DNAH14: variants seen among roughly 807,000 people sequenced by gnomAD.
The protein encoded by DNAH14 is dynein axonemal heavy chain 14.
Under a neutral mutation model 520.9 loss-of-function variants are expected in DNAH14, and 478 were observed. That is an observed-to-expected ratio of 0.92 (90% confidence interval 0.85 to 0.99). The LOEUF is 0.99. Ranked by LOEUF, DNAH14 falls within the 50% of genes least tolerant of loss-of-function variation. The pLI, the probability that DNAH14 is intolerant of heterozygous loss-of-function variation, is 0.00. For missense variants in DNAH14, 4,831 were observed against 5,234.5 expected (o/e 0.92, Z 2.38); for synonymous variants, 1,581 against 1,757.2 (o/e 0.90, Z 2.51).
chr1:225,330,585 T>C (rs973336483), intron 64 of DNAH14, among the ~76,000 whole-genome samples: 1 of 152,138 alleles, frequency 6.6e-6, no homozygotes, highest in Non-Finnish European at 1.5e-5. Context: ...TTCTCACTTA[T>C]TTGTGGGATC....
chr1:225,367,721 C>A, intron 76 of DNAH14, 84 bp from the exon 77 acceptor site: 1 of 886,436 alleles, frequency 1.1e-6, no homozygotes, highest in South Asian at 1.7e-5. Context: ...AGTTCTTTTA[C>A]CAGTGTTGTA....
chr1:225,331,438 T>G lies in DNAH14; in HGVS notation c.9725T>G (p.Val3242Gly). ...AATAATGAATTAATTATCTTTCAGGTTGAAGAACATTTGCTGTTTTTACAG... is the reference window on the plus strand; with the variant it reads ...AATAATGAATTAATTATCTTTCAGGGTGAAGAACATTTGCTGTTTTTACAG... ...LAEKQRGLQL[V>G]EEHLLFLQAA... The change falls in exon 65 of 86, where the codon GTT becomes GGT. Residue 3242 changes from valine to glycine, a missense_variant and splice_region_variant. Physicochemically the swap from Val to Gly is moderately radical, Grantham distance 109. Transcript: ENST00000682510. 6.5e-7 allele frequency: 1 copy of G among 1,550,056 alleles called. No homozygotes were observed. The highest frequency in any genetic ancestry group is 1.7e-4 in the Middle Eastern group (1 of 5,984).
intron 8 of DNAH14, among the ~76,000 whole-genome samples, chr1:224,990,946 G>T (rs2062988524): frequency 6.6e-6 from 1 of 151,638 alleles, no homozygotes; most frequent in Non-Finnish European, 1.5e-5. Flanking sequence ...CCACATCCTT[G>T]CCAACACTCA....
chr1:225,305,828 T>G (rs2094229368), intron 58 of DNAH14, among the ~76,000 whole-genome samples: 1 of 152,226 alleles, frequency 6.6e-6, no homozygotes, highest in South Asian at 2.1e-4. Context: ...TTTTTAAAAA[T>G]AGCCCACTCC....
chr1:225,155,139 AAAC>A (rs2080900928), intron 34 of DNAH14, among the ~76,000 whole-genome samples: 1 of 152,204 alleles, frequency 6.6e-6, no homozygotes, highest in Non-Finnish European at 1.5e-5. Flanking sequence ...AACCTTGGTG[AAAC>A]TATAGGGAAG....
intron 77 of DNAH14, among the ~76,000 whole-genome samples, chr1:225,368,492 G>T (rs2095579940): frequency 6.6e-6 from 1 of 152,118 alleles, no homozygotes; most frequent in South Asian, 2.1e-4. Flanking sequence ...CATTGTGTGG[G>T]GAAAAGTTTA....
At chr1:225,172,956 A>G (rs765832268) in intron 36 of DNAH14, among the ~76,000 whole-genome samples, 4 of 152,356 alleles carry the variant, frequency 2.6e-5, no homozygotes, top group African/African-American at 9.6e-5. Flanking sequence ...ATGATGCCAC[A>G]TATGTCCAAC....
chr1:225,007,820 A>C (rs552765586), intron 10 of DNAH14, among the ~76,000 whole-genome samples: 6 of 152,028 alleles, frequency 3.9e-5, no homozygotes. Flanking sequence ...AATGCTAAGG[A>C]TGATGATTCT....
intron 8 of DNAH14, among the ~76,000 whole-genome samples, chr1:224,975,133 T>C (rs1209160640): frequency 6.6e-6 from 1 of 151,626 alleles, no homozygotes; most frequent in Non-Finnish European, 1.5e-5. Flanking sequence ...TTTGCCAGTA[T>C]TTTATTGAGG....
rs1457395322 is a variant in DNAH14 at position 225,240,629 on chromosome 1, T to C, written c.6555T>C (p.Asp2185=). 1 of 1,550,470 alleles carries C rather than the reference T, an allele frequency of 6.4e-7. No homozygotes were observed. The highest frequency in any genetic ancestry group is 8.7e-7 in the Non-Finnish European group (1 of 1,146,342). ...CATGGTATCCAGAGAAAAATCCTGATAAATTAACAAAAATTATTCAAAAGC... is the reference window on the plus strand; with the variant it reads ...CATGGTATCCAGAGAAAAATCCTGACAAATTAACAAAAATTATTCAAAAGC... ...ENTWYPEKNP[D]KLTKIIQKLF... Residue 2185 remains aspartate, a synonymous_variant, in exon 43 of 86, where the codon GAT becomes GAC. Coordinates refer to ENST00000682510, the MANE Select transcript of DNAH14 (RefSeq NM_001367479.1).
intron 8 of DNAH14, among the ~76,000 whole-genome samples, chr1:224,985,748 A>G (rs909451428): frequency 6.6e-6 from 1 of 152,138 alleles, no homozygotes; most frequent in Non-Finnish European, 1.5e-5. Context: ...TCTGGAGATG[A>G]AAAATGCAGT....
chr1:225,222,839 C>T (rs1459043025), intron 41 of DNAH14, among the ~76,000 whole-genome samples: 3 of 152,088 alleles, frequency 2.0e-5, no homozygotes, highest in African/African-American at 7.2e-5. Context: ...ACCCATGGTT[C>T]CCAGAAGAGG....
At chr1:225,365,993 A>G (rs1009831784) in intron 76 of DNAH14, among the ~76,000 whole-genome samples, 4 of 152,166 alleles carry the variant, frequency 2.6e-5, no homozygotes, top group African/African-American at 9.7e-5. Flanking sequence ...AATTTTCTTG[A>G]TATATTAAAA....
chr1:225,304,256 A>C (rs537366858), intron 57 of DNAH14, among the ~76,000 whole-genome samples: 1 of 152,248 alleles, frequency 6.6e-6, no homozygotes, highest in East Asian at 1.9e-4. Flanking sequence ...CTTTAAGAAA[A>C]AAATATAAAA....
At chr1:225,277,092 G>T (rs1574470036) in intron 53 of DNAH14, among the ~76,000 whole-genome samples, 1 of 101,476 alleles carries the variant, frequency 9.9e-6, no homozygotes, top group African/African-American at 3.8e-5. Context: ...AATGGCAAGG[G>T]GGGAGGGGGA....
At position 224,960,096 on chromosome 1, in the gene DNAH14, T is replaced by C. The variant is rs545193400; in HGVS notation, c.218-57T>C. 23 of 1,454,140 alleles carry C rather than the reference T, an allele frequency of 1.6e-5. 1 individual carries two copies. The South Asian group carries it at 2.9e-4, about 18-fold the overall frequency. 90.1% of individuals were successfully genotyped at this position (1,454,140 alleles called of 1,614,324 possible). On this transcript the variant is annotated intron_variant, in intron 3 of 85. Transcript: ENST00000682510. ...TGTATTGCTGGGTATGTGGAATTAC[T>C]ATGGTATTATTTACAGCTCACACTA...
At chr1:225,283,139 A>G (rs1031538668) in intron 54 of DNAH14, among the ~76,000 whole-genome samples, 3 of 152,000 alleles carry the variant, frequency 2.0e-5, no homozygotes, top group African/African-American at 7.2e-5. Flanking sequence ...TGGAGAAACA[A>G]AGGGAAAAAA....
chr1:225,395,226 G>T (rs1012716638), intron 84 of DNAH14, among the ~76,000 whole-genome samples: 1 of 152,184 alleles, frequency 6.6e-6, no homozygotes, highest in Admixed American at 6.5e-5. Flanking sequence ...TTTATTAAAA[G>T]ATCCTAAGGT....
chr1:225,043,183 A>G, intron 13 of DNAH14, 69 bp downstream of exon 13: 1 of 1,426,934 alleles, frequency 7.0e-7, no homozygotes, highest in Non-Finnish European at 9.3e-7. Flanking sequence ...CAATCCTGGC[A>G]CTCTGGGAGG....
Sources: allele counts gnomAD v4.1 joint callset (sites outside exome capture counted in the v4.1 genomes callset), GRCh38; gene constraint gnomAD v4.1.1; transcripts MANE v1.5; gene names NCBI Gene and HGNC (gene_info 2026-07-23, HGNC 2026-07-21).